Variants in NRCAM observed in about 807,000 individuals in gnomAD.
NRCAM encodes NgCAM-related cell adhesion molecule.
Under a neutral mutation model 156.5 loss-of-function variants are expected in NRCAM, and 83 were observed. The observed-to-expected ratio is 0.53, with a 90% CI of 0.44 to 0.64. The LOEUF (loss-of-function observed/expected upper bound fraction) is 0.64. Among genes scored for constraint, NRCAM ranks in the 30% least tolerant of loss-of-function variants. The pLI is 0.00. For missense variants in NRCAM, 1,417 were observed against 1,597.3 expected, an observed-to-expected ratio of 0.89 and a Z score of 1.92; for synonymous variants, 538 against 563.9, an observed-to-expected ratio of 0.95 and a Z score of 0.65.
At chr7:108,232,286 C>T in intron 7 of NRCAM, 40 bp downstream of exon 7, 1 of 1,467,538 alleles carries the variant, frequency 6.8e-7, no homozygotes, top group Non-Finnish European at 9.3e-7. Context: ...TGGAGCAATA[C>T]TTTAAAAAGG....
At chr7:108,289,627 GGTT>G (rs2098224084) in intron 3 of NRCAM, among the ~76,000 whole-genome samples, 1 of 152,080 alleles carries the variant, frequency 6.6e-6, no homozygotes. Context: ...CTCAAGAAAT[GGTT>G]GTTGAATTAA....
At chr7:108,256,433 G>A (rs368784766) in intron 3 of NRCAM, among the ~76,000 whole-genome samples, 4 of 146,744 alleles carry the variant, frequency 2.7e-5, no homozygotes, top group Non-Finnish European at 4.5e-5. Flanking sequence ...CAGCATGCTC[G>A]TTAAGAGTCA....
At chr7:108,351,498 G>T (rs1055171136) in intron 2 of NRCAM, among the ~76,000 whole-genome samples, 14 of 152,212 alleles carry the variant, frequency 9.2e-5, no homozygotes, top group Non-Finnish European at 2.9e-5. Context: ...ACTGGTAGAT[G>T]CAAGAAGCAA....
intron 3 of NRCAM, among the ~76,000 whole-genome samples, chr7:108,288,747 C>T (rs898197986): frequency 6.6e-6 from 1 of 152,044 alleles, no homozygotes; most frequent in African/African-American, 2.4e-5. Context: ...TTTCCAGTAA[C>T]AGTAGGGAAA....
chr7:108,180,528 G>A (rs538650258), intron 24 of NRCAM, 101 bp from the exon 25 acceptor site: 3 of 916,490 alleles, frequency 3.3e-6, no homozygotes, highest in Non-Finnish European at 5.0e-6. Flanking sequence ...AATTCCGTTG[G>A]TATATTTTAG....
At chr7:108,340,561 T>C (rs148775131) in intron 2 of NRCAM, among the ~76,000 whole-genome samples, 13 of 152,298 alleles carry the variant, frequency 8.5e-5, no homozygotes, top group African/African-American at 2.9e-4. Context: ...AAGAGAACGA[T>C]TGCCCACAGG....
intron 1 of NRCAM, among the ~76,000 whole-genome samples, chr7:108,426,761 T>C (rs1394105523): frequency 6.6e-6 from 1 of 152,190 alleles, no homozygotes; most frequent in Non-Finnish European, 1.5e-5. Flanking sequence ...TTTTCAAATA[T>C]CTGTAAAACC....
At chr7:108,194,561 G>T (rs1273553557) in intron 15 of NRCAM, 133 bp from the exon 16 acceptor site, 3 of 599,032 alleles carry the variant, frequency 5.0e-6, no homozygotes, top group Middle Eastern at 4.4e-4. Flanking sequence ...TTGTACTTTT[G>T]AAAGTATCAA....
intron 13 of NRCAM, among the ~76,000 whole-genome samples, chr7:108,201,038 A>G (rs1356698976): frequency 6.6e-6 from 1 of 152,100 alleles, no homozygotes; most frequent in Non-Finnish European, 1.5e-5. Flanking sequence ...TACAGTGTGT[A>G]CACTGCTCGG....
chr7:108,184,558 T>C lies in NRCAM; in HGVS notation c.2092A>G (p.Thr698Ala), dbSNP rs755975495. The change falls in exon 21 of 33, where the codon ACT becomes GCT. Residue 698 changes from threonine (T) to alanine (A), a missense_variant. By Grantham distance (58) the Thr-to-Ala change is moderately conservative. Around this residue, in one of 2 missense-constraint regions of NRCAM, gnomAD observed 1,238 missense variants for 1,336.4 expected, o/e 0.93. Transcript: ENST00000379028. ...GTGGTCTGTGTTCCAGAAACTTCAG[T>C]TTGGTGGTGCCACAGCCCTGGCTTG... ...MHKPGLWHHQ[T>A]EVSGTQTTAQ... 6.2e-7 allele frequency: 1 copy of C among 1,613,880 alleles called. No homozygotes were observed. The highest frequency in any genetic ancestry group is 8.5e-7 in the Non-Finnish European group (1 of 1,180,016).
At chr7:108,278,061 C>T (rs1368945143) in intron 3 of NRCAM, among the ~76,000 whole-genome samples, 6 of 152,180 alleles carry the variant, frequency 3.9e-5, no homozygotes, top group African/African-American at 1.4e-4. Context: ...GTATCACCAG[C>T]GAAGGCTGCT....
At chr7:108,358,049 C>G (rs1221502621) in intron 2 of NRCAM, among the ~76,000 whole-genome samples, 1 of 152,094 alleles carries the variant, frequency 6.6e-6, no homozygotes, top group Non-Finnish European at 1.5e-5. Context: ...TAAGCCAAAG[C>G]TAAAAACCAC....
chr7:108,436,128 C>T (rs567953403), intron 1 of NRCAM, among the ~76,000 whole-genome samples: 8 of 152,186 alleles, frequency 5.3e-5, no homozygotes, highest in Admixed American at 2.6e-4. Flanking sequence ...AGTGAGACTC[C>T]GTCTCAAATA....
In NRCAM at chr7:108,215,513, C is replaced by T. The variant is rs1040545642; in HGVS notation, c.891-5908G>A. Among the ~76,000 whole-genome samples, 7 of 152,146 alleles carry T rather than the reference C, an allele frequency of 4.6e-5. No individual in the cohort carries two copies. In the East Asian group the frequency reaches 1.4e-3, roughly 29 times the overall value. On this transcript the variant is annotated intron_variant, in intron 11 of 32. Coordinates refer to ENST00000379028, the MANE Select transcript of NRCAM (RefSeq NM_001037132.4). ...TACAAGCATGAGCCACCGCGCCTGG[C>T]CATCTCCCACTATTTTTGTGTGGGA...
At chr7:108,321,889 TCATA>T (rs1447192755) in intron 2 of NRCAM, among the ~76,000 whole-genome samples, 2 of 152,218 alleles carry the variant, frequency 1.3e-5, no homozygotes, top group African/African-American at 4.8e-5. Context: ...AAACTGTAGC[TCATA>T]TTCTAGCAGG....
chr7:108,247,179 T>C (rs2095998878), intron 3 of NRCAM, among the ~76,000 whole-genome samples: 1 of 152,222 alleles, frequency 6.6e-6, no homozygotes, highest in African/African-American at 2.4e-5. Context: ...CTCAGGATTA[T>C]AAGAAATAAT....
chr7:108,189,658 ATTG>A lies in NRCAM; in HGVS notation c.2019_2021del (p.Asn674del). The A allele has an allele frequency of 7.2e-7, 1 of 1,384,400 alleles. No individual in the cohort carries two copies. Among genetic ancestry groups the A allele is most frequent in the South Asian group, 1.2e-5 (1 of 85,090 alleles). The allele number at this position is 1,384,400 out of a possible 1,614,324, so 85.8% of individuals were successfully genotyped here. A position where few individuals can be genotyped will look rare whatever the true frequency, so the allele number is the denominator to read the frequency against. ...AATACCACATACTTGTAATGGGGCT[ATTG>A]TTGTCATCGCCTGGGGTCCATGACA... On this transcript the variant is annotated inframe_deletion, in exon 20 of 33. Transcript: ENST00000379028.
chr7:108,254,522 C>T (rs1338203007), intron 3 of NRCAM, among the ~76,000 whole-genome samples: 1 of 150,276 alleles, frequency 6.7e-6, no homozygotes, highest in African/African-American at 2.5e-5. Context: ...AACATAAAAA[C>T]ATATAGCCAT....
intron 1 of NRCAM, among the ~76,000 whole-genome samples, chr7:108,440,568 G>A (rs910442216): frequency 1.3e-5 from 2 of 152,154 alleles, no homozygotes; most frequent in Non-Finnish European, 2.9e-5. Context: ...AGCTTTCTTA[G>A]TAATGAATGG....
Sources: gnomAD v4.1 joint callset for allele counts (sites outside exome capture counted in the v4.1 genomes callset) on GRCh38, gnomAD v4.1.1 for gene constraint, gnomAD v4.1.1 regional missense constraint, MANE v1.5 for transcripts, NCBI Gene and HGNC (gene_info 2026-07-23, HGNC 2026-07-21) for gene names.